Variants in ILRUN observed in about 807,000 individuals in gnomAD.
ILRUN encodes the protein inflammation and lipid regulator with UBA-like and NBR1-like domains.
Under a neutral mutation model 33.8 loss-of-function variants are expected in ILRUN, and 3 were observed. That is an observed-to-expected ratio of 0.09 (90% CI 0.04 to 0.23). The LOEUF (loss-of-function observed/expected upper bound fraction) is 0.23. ILRUN is among the 10% of genes least tolerant of loss of function. The pLI, the probability that ILRUN is intolerant of heterozygous loss-of-function variation, is 1.00. For synonymous variants in ILRUN, 124 were observed against 138.9 expected, an observed-to-expected ratio of 0.89 and a Z score of 0.75; for missense variants, 210 against 375.1, an observed-to-expected ratio of 0.56 and a Z score of 3.64.
chr6:34,617,265 T>C (rs796904662), intron 3 of ILRUN: 9 of 361,344 alleles, frequency 2.5e-5, no homozygotes, highest in African/African-American at 1.9e-4. Context: ...CTAAGGCGTC[T>C]ATCATGATTA....
intron 3 of ILRUN, among the ~76,000 whole-genome samples, chr6:34,618,932 T>C (rs1318870203): frequency 2.0e-5 from 3 of 152,122 alleles, no homozygotes; most frequent in African/African-American, 7.2e-5. Context: ...TCTAGAAGCC[T>C]AGTGACGAGT....
At chr6:34,601,727 A>T (rs1387229554) in intron 4 of ILRUN, among the ~76,000 whole-genome samples, 1 of 152,060 alleles carries the variant, frequency 6.6e-6, no homozygotes, top group Non-Finnish European at 1.5e-5. Context: ...ACTGTTTCTA[A>T]ACCCTCACCT....
At chr6:34,695,784 T>C (rs1211869906) in intron 1 of ILRUN, among the ~76,000 whole-genome samples, 3 of 151,512 alleles carry the variant, frequency 2.0e-5, no homozygotes, top group African/African-American at 4.9e-5. Flanking sequence ...CATGTGTCGA[T>C]TTACTAGTAG....
intron 1 of ILRUN, among the ~76,000 whole-genome samples, chr6:34,690,128 T>C (rs1365924773): frequency 6.6e-6 from 1 of 152,168 alleles, no homozygotes; most frequent in Non-Finnish European, 1.5e-5. Context: ...CAACTTACAA[T>C]GAACACCTAA....
intron 3 of ILRUN, among the ~76,000 whole-genome samples, chr6:34,613,498 T>C (rs1287418976): frequency 2.0e-5 from 3 of 152,198 alleles, no homozygotes; most frequent in Admixed American, 2.0e-4. Context: ...CAGTGCAACA[T>C]TCCCAACTGG....
intron 1 of ILRUN, among the ~76,000 whole-genome samples, chr6:34,670,364 A>T (rs1308179539): frequency 1.3e-5 from 2 of 152,198 alleles, no homozygotes; most frequent in Non-Finnish European, 2.9e-5. Context: ...AGATGGATAA[A>T]CTTACTAAAA....
At chr6:34,647,609 G>C (rs1191855494) in intron 2 of ILRUN, among the ~76,000 whole-genome samples, 4 of 152,072 alleles carry the variant, frequency 2.6e-5, no homozygotes, top group African/African-American at 9.7e-5. Flanking sequence ...GCCTGGACTG[G>C]AGTACAATGA....
At chr6:34,642,825 C>CAAAAAAAA (rs57866309) in intron 3 of ILRUN, among the ~76,000 whole-genome samples, 8 of 42,984 alleles carry the variant, frequency 1.9e-4, no homozygotes, top group East Asian at 1.5e-3. Flanking sequence ...CCGTCTCTAC[C>CAAAAAAAA]AAAAAAAAAA....
At chr6:34,675,985 C>T (rs1193331348) in intron 1 of ILRUN, among the ~76,000 whole-genome samples, 2 of 152,112 alleles carry the variant, frequency 1.3e-5, no homozygotes, top group Non-Finnish European at 2.9e-5. Context: ...TGTCCATCAA[C>T]AAAGTAGTGG....
chr6:34,616,625 C>T lies in ILRUN; in HGVS notation c.512-9721G>A, dbSNP rs1249374368. 3.4e-5 allele frequency: 53 copies of T among 1,564,856 alleles called. 1 individual carries two copies. Among genetic ancestry groups the T allele is most frequent in the East Asian group, 3.1e-4 (14 of 44,658 alleles). ...GAATTTTGCAGAGCTGAAGATCAAT[C>T]GCCTGAGAAAGAAGTTTGCCCAAAA... On this transcript the variant is annotated intron_variant, in intron 3 of 4. Coordinates refer to ENST00000374023, the MANE Select transcript of ILRUN (RefSeq NM_024294.4).
intron 3 of ILRUN, among the ~76,000 whole-genome samples, chr6:34,627,916 C>T (rs1322169716): frequency 6.6e-6 from 1 of 152,058 alleles, no homozygotes; most frequent in Non-Finnish European, 1.5e-5. Flanking sequence ...GTCAGCCAGG[C>T]TGGACTTGAA....
chr6:34,688,041 G>A (rs11751920), intron 1 of ILRUN, among the ~76,000 whole-genome samples: 2 of 151,626 alleles, frequency 1.3e-5, no homozygotes, highest in East Asian at 3.9e-4. Flanking sequence ...GTCTACCAAC[G>A]AATGAACAGA....
intron 3 of ILRUN, among the ~76,000 whole-genome samples, chr6:34,638,495 C>T (rs1762410195): frequency 6.6e-6 from 1 of 152,006 alleles, no homozygotes; most frequent in African/African-American, 2.4e-5. Context: ...GGGAGGATCG[C>T]TTGAGCCTAG....
chr6:34,655,183 C>T (rs906359597), intron 1 of ILRUN, among the ~76,000 whole-genome samples: 1 of 152,076 alleles, frequency 6.6e-6, no homozygotes, highest in Non-Finnish European at 1.5e-5. Flanking sequence ...AGCCATGTTG[C>T]CCAGGCTAGT....
chr6:34,634,894 C>T (rs369171921), intron 3 of ILRUN, among the ~76,000 whole-genome samples: 11 of 152,016 alleles, frequency 7.2e-5, no homozygotes, highest in Admixed American at 3.3e-4. Context: ...AATGGTACAA[C>T]GTATCAGACA....
intron 3 of ILRUN, among the ~76,000 whole-genome samples, chr6:34,640,435 G>C (rs115119270): frequency 6.6e-6 from 1 of 152,094 alleles, no homozygotes; most frequent in Non-Finnish European, 1.5e-5. Flanking sequence ...GGAGTGGGCC[G>C]GGCGCGGTGG....
chr6:34,671,376 C>A (rs1178241363), intron 1 of ILRUN, among the ~76,000 whole-genome samples: 1 of 152,132 alleles, frequency 6.6e-6, no homozygotes, highest in Non-Finnish European at 1.5e-5. Context: ...AGGATCAAGA[C>A]CCTGTCCCAA....
chr6:34,681,542 T>C (rs1301655021), intron 1 of ILRUN, among the ~76,000 whole-genome samples: 3 of 152,114 alleles, frequency 2.0e-5, no homozygotes, highest in East Asian at 1.9e-4. Flanking sequence ...GGCAGGAGAA[T>C]TGGTTGAGCT....
intron 2 of ILRUN, among the ~76,000 whole-genome samples, chr6:34,648,837 A>G (rs1762607375): frequency 2.0e-5 from 3 of 152,186 alleles, no homozygotes; most frequent in African/African-American, 7.2e-5. Context: ...GTCTGTTTAT[A>G]TGAAATCCCA....
Sources: allele counts gnomAD v4.1 joint callset (sites outside exome capture counted in the v4.1 genomes callset), GRCh38; gene constraint gnomAD v4.1.1; transcripts MANE v1.5; gene names NCBI Gene and HGNC (gene_info 2026-07-23, HGNC 2026-07-21).